Variants in ASTN2 observed in about 807,000 individuals in gnomAD.
ASTN2 encodes astrotactin-2.
ASTN2 carries 54 observed loss-of-function variants against 139.8 expected under a neutral mutation model. The ratio of observed to expected loss-of-function variants is 0.39; its 90% CI spans 0.31 to 0.48. ASTN2 has a LOEUF of 0.48. ASTN2 is among the 20% of genes least tolerant of loss of function. The pLI is 0.95. For synonymous variants in ASTN2, 756 were observed against 719.5 expected, an observed-to-expected ratio of 1.05 and a Z score of -0.81; for missense variants, 1,565 against 1,725.1, an observed-to-expected ratio of 0.91 and a Z score of 1.64.
At chr9:117,060,668 C>T (rs35595093) in intron 5 of ASTN2, among the ~76,000 whole-genome samples, 35,328 of 151,256 alleles carry the variant, frequency 0.23, 5,187 homozygotes, top group Middle Eastern at 0.4. Context: ...CTGAGGTGGG[C>T]GGATCACGAG....
Position 116,425,604 on chromosome 9 carries a change from C to T in ASTN2, c.*247G>A, listed in dbSNP as rs775330139. On this transcript the variant is annotated 3_prime_UTR_variant, in exon 23 of 23. Coordinates refer to ENST00000313400, the MANE Select transcript of ASTN2 (RefSeq NM_001365068.1). ...TAAGAAAAGGTTTAAAAAGGAGAGA[C>T]TTTTGATAGAGTCAAATAATATCTT... 4.3e-6 allele frequency: 7 copies of T among 1,613,180 alleles called. No homozygotes were observed. Among genetic ancestry groups the T allele is most frequent in the Admixed American group, 1.7e-5 (1 of 59,768 alleles).
chr9:117,026,959 C>G (rs774054080), intron 6 of ASTN2, among the ~76,000 whole-genome samples: 15 of 152,142 alleles, frequency 9.9e-5, no homozygotes, highest in Admixed American at 1.3e-4. Flanking sequence ...TACAAAATAT[C>G]AGAGGCAGGT....
chr9:116,575,968 GC>G (rs1853706875), intron 19 of ASTN2, among the ~76,000 whole-genome samples: 1 of 152,028 alleles, frequency 6.6e-6, no homozygotes, highest in Non-Finnish European at 1.5e-5. Flanking sequence ...CTCATGAGTG[GC>G]CCTTTGTCCC....
At chr9:116,601,509 G>A (rs1381369778) in intron 19 of ASTN2, among the ~76,000 whole-genome samples, 1 of 152,134 alleles carries the variant, frequency 6.6e-6, no homozygotes, top group African/African-American at 2.4e-5. Flanking sequence ...TTTAAAAGAT[G>A]ATCACAGAAG....
intron 6 of ASTN2, among the ~76,000 whole-genome samples, chr9:117,017,419 G>GA: frequency 1.3e-5 from 2 of 152,176 alleles, no homozygotes; most frequent in East Asian, 3.9e-4. Flanking sequence ...TCCTAATACT[G>GA]AAAAATCTCT....
chr9:116,801,585 C>CAAAAAAAAAAAAAAAAAAAAAAAAA (rs397893932), intron 13 of ASTN2, among the ~76,000 whole-genome samples: 8 of 60,360 alleles, frequency 1.3e-4, no homozygotes, highest in Admixed American at 2.7e-4. Context: ...GGCTCTGTCT[C>CAAAAAAAAAAAAAAAAAAAAAAAAA]AAAAAAAAAA....
At chr9:117,368,792 C>T (rs1369896936) in intron 1 of ASTN2, among the ~76,000 whole-genome samples, 1 of 152,042 alleles carries the variant, frequency 6.6e-6, no homozygotes, top group Non-Finnish European at 1.5e-5. Flanking sequence ...ATATAAAAAT[C>T]CCATTATCAC....
intron 11 of ASTN2, among the ~76,000 whole-genome samples, chr9:116,837,878 G>A (rs1001154916): frequency 1.3e-5 from 2 of 152,212 alleles, no homozygotes; most frequent in African/African-American, 4.8e-5. Context: ...TGAAAGGCAG[G>A]TGGGGTAAAG....
chr9:117,159,319 C>T (rs983492667), intron 3 of ASTN2, among the ~76,000 whole-genome samples: 1 of 151,870 alleles, frequency 6.6e-6, no homozygotes. Flanking sequence ...ACATTGGAAG[C>T]TCAAATGCCA....
At chr9:116,897,675 A>G (rs1188178185) in intron 10 of ASTN2, among the ~76,000 whole-genome samples, 1 of 152,146 alleles carries the variant, frequency 6.6e-6, no homozygotes, top group Admixed American at 6.5e-5. Context: ...CTGAATCTAT[A>G]TGTGTCACCA....
chr9:116,711,710 A>G (rs1321235854), intron 16 of ASTN2, among the ~76,000 whole-genome samples: 1 of 152,142 alleles, frequency 6.6e-6, no homozygotes, highest in Non-Finnish European at 1.5e-5. Flanking sequence ...GCTTGGCACC[A>G]TGTCTAATCA....
At chr9:116,471,460 A>G (rs1279413467) in intron 20 of ASTN2, among the ~76,000 whole-genome samples, 1 of 152,188 alleles carries the variant, frequency 6.6e-6, no homozygotes, top group African/African-American at 2.4e-5. Context: ...CTGGCCTCAC[A>G]CATGCTAATG....
At chr9:116,507,045 C>G (rs1332070195) in intron 19 of ASTN2, among the ~76,000 whole-genome samples, 2 of 152,132 alleles carry the variant, frequency 1.3e-5, no homozygotes, top group Non-Finnish European at 2.9e-5. Context: ...GGGTTCCTTG[C>G]TATAAGTCAG....
At chr9:117,180,994 G>A (rs1189216865) in intron 3 of ASTN2, 2 of 1,596,428 alleles carry the variant, frequency 1.3e-6, no homozygotes, top group East Asian at 2.2e-5. Flanking sequence ...CTTTCCAAAG[G>A]CACCTCGCAT....
At chr9:117,291,599 C>G in intron 1 of ASTN2, 86 bp from the exon 2 acceptor site, 1 of 1,282,602 alleles carries the variant, frequency 7.8e-7, no homozygotes, top group Non-Finnish European at 1.1e-6. Flanking sequence ...TAATCAGGAG[C>G]TCAGAAGGCA....
chr9:116,725,120 C>T (rs1384441277), intron 16 of ASTN2, among the ~76,000 whole-genome samples: 1 of 152,146 alleles, frequency 6.6e-6, no homozygotes, highest in African/African-American at 2.4e-5. Flanking sequence ...TACTTACGTA[C>T]CCATTTCACA....
intron 1 of ASTN2, among the ~76,000 whole-genome samples, chr9:117,335,913 A>T (rs1224984629): frequency 6.6e-6 from 1 of 152,150 alleles, no homozygotes; most frequent in African/African-American, 2.4e-5. Flanking sequence ...AGAAAAACAG[A>T]AATGGAGAAA....
chr9:117,075,542 C>A (rs1386092966), intron 5 of ASTN2, among the ~76,000 whole-genome samples: 1 of 151,630 alleles, frequency 6.6e-6, no homozygotes, highest in Non-Finnish European at 1.5e-5. Context: ...GTCTTTTTGG[C>A]AATTTCATGG....
At chr9:116,639,082 T>C (rs1857209139) in intron 17 of ASTN2, among the ~76,000 whole-genome samples, 1 of 152,190 alleles carries the variant, frequency 6.6e-6, no homozygotes, top group Admixed American at 6.5e-5. Context: ...TACATGGCAG[T>C]TCATTATTAT....
Sources: allele counts gnomAD v4.1 joint callset (sites outside exome capture counted in the v4.1 genomes callset), GRCh38; gene constraint gnomAD v4.1.1; transcripts MANE v1.5; gene names NCBI Gene and HGNC (gene_info 2026-07-23, HGNC 2026-07-21).